SMIM23: variants seen among roughly 807,000 people sequenced by gnomAD.
SMIM23 encodes the protein CTB-78H18.1.
Under a neutral mutation model 12.8 loss-of-function variants are expected in SMIM23, and 10 were observed. That is an observed-to-expected ratio of 0.78 (90% CI 0.48 to 1.32). The LOEUF (loss-of-function observed/expected upper bound fraction) is 1.32, where lower values mean the gene tolerates loss of function less well. Among genes scored for constraint, SMIM23 ranks in the 40% most tolerant of loss-of-function variants. The pLI, the probability that SMIM23 is intolerant of heterozygous loss-of-function variation, is 0.00. For missense variants in SMIM23, 184 were observed against 198.2 expected, an observed-to-expected ratio of 0.93 and a Z score of 0.43; for synonymous variants, 78 against 80.1, an observed-to-expected ratio of 0.97 and a Z score of 0.14.
At chr5:171,789,717 G>A (rs1004236695) in intron 1 of SMIM23, among the ~76,000 whole-genome samples, 1 of 152,184 alleles carries the variant, frequency 6.6e-6, no homozygotes, top group African/African-American at 2.4e-5. Flanking sequence ...ACTTATACAA[G>A]GTTATGGAAC....
the SMIM23 span, chr5:171,774,835 C>T: frequency 2.8e-6 from 1 of 353,672 alleles, no homozygotes; most frequent in South Asian, 2.1e-5. Flanking sequence ...GGAGCCTTGT[C>T]TTGGGCCGTG....
chr5:171,778,025 A>G (rs998167775), upstream of SMIM23, among the ~76,000 whole-genome samples: 2 of 152,196 alleles, frequency 1.3e-5, no homozygotes, highest in Non-Finnish European at 2.9e-5. Context: ...TCATATTGCA[A>G]AATAGGACTT....
upstream of SMIM23, among the ~76,000 whole-genome samples, chr5:171,778,814 C>T (rs944987042): frequency 2.8e-4 from 43 of 152,194 alleles, no homozygotes; most frequent in African/African-American, 9.2e-4. Flanking sequence ...ATTGGAATCC[C>T]ACCACGCAGG....
intron 1 of SMIM23, among the ~76,000 whole-genome samples, chr5:171,788,442 C>G (rs1755858881): frequency 6.6e-6 from 1 of 151,976 alleles, no homozygotes; most frequent in African/African-American, 2.4e-5. Flanking sequence ...CACAAGTTAC[C>G]AATATCAAGA....
chr5:171,780,927 A>G (rs1755716339), upstream of SMIM23, among the ~76,000 whole-genome samples: 1 of 152,170 alleles, frequency 6.6e-6, no homozygotes, highest in African/African-American at 2.4e-5. Context: ...GCCTCTTACC[A>G]GCTGAGTAAC....
upstream of SMIM23, among the ~76,000 whole-genome samples, chr5:171,784,459 C>T (rs1755779145): frequency 6.6e-6 from 1 of 151,670 alleles, no homozygotes; most frequent in Admixed American, 6.6e-5. Context: ...GAGCCGAGAT[C>T]GTGCCACTGC....
At position 171,785,975 on chromosome 5, in the gene SMIM23, A is replaced by T; in HGVS notation, c.104A>T (p.Gln35Leu). 6.5e-7 allele frequency: 1 copy of T among 1,535,936 alleles called. No homozygotes were observed. The highest frequency in any genetic ancestry group is 2.4e-5 in the East Asian group (1 of 40,910). The change falls in exon 1 of 4, where the codon CAG becomes CTG. Residue 35 changes from glutamine (Q) to leucine (L), a missense_variant and splice_region_variant. Gln to Leu is a moderately radical substitution (Grantham distance 113). Transcript: ENST00000523047. Reference sequence around the variant, plus strand: ...GGCAGCCACTGTGATGACGAGAAGCAGGTGAGGCCAGGCCAGGTACATGCT... The same window carrying T: ...GGCAGCCACTGTGATGACGAGAAGCTGGTGAGGCCAGGCCAGGTACATGCT... The part of the protein sequence containing the change: ...RRGSHCDDEK[Q>L]TLLALLILVL...
rs1409432814 is a variant in SMIM23, at chr5:171,785,952, C to T, written c.81C>T (p.Gly27=). The T allele has an allele frequency of 1.3e-6, 2 of 1,536,326 alleles. No individual in the cohort carries two copies. Among genetic ancestry groups the T allele is most frequent in the Admixed American group, 2.0e-5 (1 of 51,002 alleles). Residue 27 remains glycine, a synonymous_variant, in exon 1 of 4, where the codon GGC becomes GGT. Transcript: ENST00000523047. The part of the protein sequence containing the change: ...VAAQLLERRR[G]SHCDDEKQTL... Reference sequence around the variant, plus strand: ...CCCAGCTGCTTGAACGGAGAAGGGGCAGCCACTGTGATGACGAGAAGCAGG... The same window carrying T: ...CCCAGCTGCTTGAACGGAGAAGGGGTAGCCACTGTGATGACGAGAAGCAGG...
At chr5:171,786,428 T>C (rs540176903) in intron 1 of SMIM23, among the ~76,000 whole-genome samples, 3 of 152,292 alleles carry the variant, frequency 2.0e-5, no homozygotes, top group Non-Finnish European at 2.9e-5. Context: ...ACCCCATCTC[T>C]TAGATGCTAT....
chr5:171,784,696 A>G (rs1755783748), upstream of SMIM23, among the ~76,000 whole-genome samples: 1 of 152,174 alleles, frequency 6.6e-6, no homozygotes, highest in African/African-American at 2.4e-5. Flanking sequence ...ATCCCAGACA[A>G]ATGAAACTTA....
upstream of SMIM23, among the ~76,000 whole-genome samples, chr5:171,784,827 T>C (rs925347570): frequency 1.3e-5 from 2 of 152,142 alleles, no homozygotes; most frequent in African/African-American, 4.8e-5. Flanking sequence ...CATACACATA[T>C]CACAAAATAC....
intron 1 of SMIM23, 100 bp downstream of exon 1, chr5:171,786,076 A>G (rs984065190): frequency 3.1e-6 from 3 of 980,862 alleles, no homozygotes; most frequent in Non-Finnish European, 4.6e-6. Flanking sequence ...TGAATCTTGG[A>G]CCCAACCGTC....
At chr5:171,785,157 A>AAC (rs34740868), upstream of SMIM23, among the ~76,000 whole-genome samples, 19,025 of 149,760 alleles carry the variant, frequency 0.13, 2,682 homozygotes, top group African/African-American at 0.35. Flanking sequence ...TTTAGAATTA[A>AAC]ACACACACAC....
rs76624144 is a variant in SMIM23 at position 171,787,659 on chromosome 5, G to A, written c.105+1683G>A. Among the ~76,000 whole-genome samples the A allele has an allele frequency of 4.2e-3, 647 of 152,294 alleles. 4 individuals are homozygous for A. The highest frequency in any genetic ancestry group is 0.015 in the African/African-American group (606 of 41,544). On this transcript the variant is annotated intron_variant, in intron 1 of 3. Transcript: ENST00000523047. ...AGAATATTGTTAAGAAAAGAAAAAG[G>A]ACCCTAATATTACATGTACAGTGTG... is the stretch of plus-strand genomic sequence containing the variant.
intron 1 of SMIM23, among the ~76,000 whole-genome samples, chr5:171,787,827 A>G (rs572845216): frequency 6.6e-6 from 1 of 152,218 alleles, no homozygotes; most frequent in East Asian, 1.9e-4. Context: ...TGAGTTTTCT[A>G]TGTTCTTGAA....
chr5:171,786,507 G>A (rs17073978), intron 1 of SMIM23, among the ~76,000 whole-genome samples: 21,925 of 152,156 alleles, frequency 0.14, 2,004 homozygotes, highest in Non-Finnish European at 0.21. Flanking sequence ...GGACATATCA[G>A]GATTTGAAAA....
At chr5:171,785,044 C>T (rs190225888), upstream of SMIM23, among the ~76,000 whole-genome samples, 3 of 152,166 alleles carry the variant, frequency 2.0e-5, no homozygotes, top group Non-Finnish European at 4.4e-5. Context: ...TGGGTGGGGT[C>T]GGGAGGCAGC....
At chr5:171,781,993 G>C (rs1251968060), upstream of SMIM23, among the ~76,000 whole-genome samples, 1 of 152,214 alleles carries the variant, frequency 6.6e-6, no homozygotes, top group Non-Finnish European at 1.5e-5. Flanking sequence ...GATGTGGGCG[G>C]GGACAAATAA....
chr5:171,788,849 A>AT (rs140309710), intron 1 of SMIM23, among the ~76,000 whole-genome samples: 5 of 152,034 alleles, frequency 3.3e-5, no homozygotes, highest in African/African-American at 4.8e-5. Flanking sequence ...AGAAAAAAAA[A>AT]TTTTTTTTGA....
Sources: allele counts gnomAD v4.1 joint callset (sites outside exome capture counted in the v4.1 genomes callset), GRCh38; gene constraint gnomAD v4.1.1; transcripts MANE v1.5; gene names NCBI Gene and HGNC (gene_info 2026-07-23, HGNC 2026-07-21).